SCARA5: variants seen among roughly 807,000 people sequenced by gnomAD.
SCARA5 encodes scavenger receptor class A, member 5 (putative).
SCARA5 carries 45 observed loss-of-function variants against 46.3 expected under a neutral mutation model. The observed-to-expected ratio is 0.97, with a 90% confidence interval of 0.76 to 1.24. The LOEUF is 1.24. SCARA5 is among the 50% of genes most tolerant of loss of function. SCARA5 has a pLI of 0.00. For synonymous variants in SCARA5, 333 were observed against 306.5 expected (o/e 1.09, Z -0.90); for missense variants, 680 against 689.0 (o/e 0.99, Z 0.15).
At chr8:27,953,435 C>T (rs79908867) in intron 3 of SCARA5, among the ~76,000 whole-genome samples, 1,995 of 152,182 alleles carry the variant, frequency 0.013, 52 homozygotes, top group African/African-American at 0.045. Flanking sequence ...GTAGAGGGTC[C>T]GACAGTGGAG....
At chr8:27,909,304 A>G (rs565534096) in intron 5 of SCARA5, among the ~76,000 whole-genome samples, 64 of 152,246 alleles carry the variant, frequency 4.2e-4, no homozygotes, top group African/African-American at 1.4e-3. Context: ...GCTAGTGATC[A>G]GGAAACACTG....
intron 7 of SCARA5, among the ~76,000 whole-genome samples, chr8:27,881,153 A>C (rs571157085): frequency 0.012 from 1,849 of 152,334 alleles, 44 homozygotes; most frequent in African/African-American, 0.043. Context: ...CAAAGAACTT[A>C]AAACAGAACT....
chr8:27,926,924 A>T (rs1465068310), intron 3 of SCARA5, among the ~76,000 whole-genome samples: 2 of 152,194 alleles, frequency 1.3e-5, no homozygotes, highest in African/African-American at 4.8e-5. Flanking sequence ...GAGCTCCAAG[A>T]GGCACCACAG....
chr8:27,917,110 G>A (rs1807475083), intron 4 of SCARA5, among the ~76,000 whole-genome samples: 1 of 152,204 alleles, frequency 6.6e-6, no homozygotes, highest in Non-Finnish European at 1.5e-5. Context: ...CTAGAACTGT[G>A]AGCAATAAAC....
chr8:27,889,723 C>A (rs889083602), intron 7 of SCARA5, among the ~76,000 whole-genome samples: 9 of 152,224 alleles, frequency 5.9e-5, no homozygotes, highest in African/African-American at 2.2e-4. Flanking sequence ...AGCTTGGTTT[C>A]TCCTGAGTCT....
At chr8:27,944,819 G>A (rs1209853490) in intron 3 of SCARA5, among the ~76,000 whole-genome samples, 5 of 152,128 alleles carry the variant, frequency 3.3e-5, no homozygotes, top group East Asian at 1.9e-4. Context: ...GCAGTGAGCC[G>A]AGATCACGCC....
intron 7 of SCARA5, among the ~76,000 whole-genome samples, chr8:27,887,057 T>TA (rs2129692871): frequency 6.6e-6 from 1 of 152,234 alleles, no homozygotes; most frequent in Admixed American, 6.5e-5. Context: ...CAGAGACTCC[T>TA]AGGCTCCAAA....
chr8:27,880,138 C>A (rs1227582475), intron 7 of SCARA5, among the ~76,000 whole-genome samples: 1 of 109,954 alleles, frequency 9.1e-6, no homozygotes, highest in East Asian at 2.5e-4. Context: ...AGTTGGCTAG[C>A]CGTATGCAGA....
At chr8:27,991,496 C>G (rs1585532842) in intron 1 of SCARA5, among the ~76,000 whole-genome samples, 1 of 152,222 alleles carries the variant, frequency 6.6e-6, no homozygotes, top group Non-Finnish European at 1.5e-5. Context: ...CTCTTCAATC[C>G]TTCTCTGGAG....
At position 27,973,483 on chromosome 8, in the gene SCARA5, ATAAAT is replaced by A. The variant is rs1485021530; in HGVS notation, c.113-6946_113-6942del. Among the ~76,000 whole-genome samples the A allele has an allele frequency of 2.0e-5, 3 of 152,128 alleles. No individual in the cohort carries two copies. In the East Asian group the frequency reaches 5.8e-4, roughly 29 times the overall value. On this transcript the variant is annotated intron_variant, in intron 2 of 8. Coordinates refer to ENST00000354914, the MANE Select transcript of SCARA5 (RefSeq NM_173833.6). Reference sequence around the variant, plus strand: ...CAGAGTGAGACTCTGTCTCAAATAAATAAATTAATTAATTAATTAAAAGCTGGGCT... The same window carrying A: ...CAGAGTGAGACTCTGTCTCAAATAAATAATTAATTAATTAAAAGCTGGGCT...
At chr8:27,939,595 C>A (rs539803542) in intron 3 of SCARA5, among the ~76,000 whole-genome samples, 3 of 152,142 alleles carry the variant, frequency 2.0e-5, no homozygotes, top group Non-Finnish European at 2.9e-5. Flanking sequence ...GGTAAGGAAA[C>A]AAGAAGCCTC....
chr8:27,878,505 C>A (rs1585458759), intron 8 of SCARA5, among the ~76,000 whole-genome samples: 1 of 152,174 alleles, frequency 6.6e-6, no homozygotes, highest in East Asian at 1.9e-4. Context: ...GTGCCCCTTC[C>A]TCAGAGTCTC....
At chr8:27,911,527 A>T (rs905467136) in intron 4 of SCARA5, among the ~76,000 whole-genome samples, 32 of 152,218 alleles carry the variant, frequency 2.1e-4, no homozygotes, top group African/African-American at 7.5e-4. Context: ...TCCCGTCTCT[A>T]CTAAAAATAC....
chr8:27,980,861 A>G (rs1206385487), intron 2 of SCARA5, among the ~76,000 whole-genome samples: 1 of 152,150 alleles, frequency 6.6e-6, no homozygotes, highest in African/African-American at 2.4e-5. Flanking sequence ...TGAGAATCCC[A>G]CTAGTAACCA....
chr8:27,948,209 G>A lies in SCARA5; in HGVS notation c.241+18205C>T, dbSNP rs558103677. On this transcript the variant is annotated intron_variant, in intron 3 of 8. Coordinates refer to ENST00000354914, the MANE Select transcript of SCARA5 (RefSeq NM_173833.6). ...GGAGCTGGGTGGGGTCGGGGGTGGA[G>A]GACAGATTTGGCCTCGGGCTGGGTT... 3.2e-4 allele frequency among the ~76,000 whole-genome samples: 49 copies of A among 152,302 alleles called. 1 individual carries two copies. Among genetic ancestry groups the A allele is most frequent in the Middle Eastern group, 3.4e-3 (1 of 294 alleles).
intron 7 of SCARA5, among the ~76,000 whole-genome samples, chr8:27,885,020 TTGGCCGGG>T (rs1806871357): frequency 7.8e-6 from 1 of 128,998 alleles, no homozygotes; most frequent in African/African-American, 3.7e-5. Context: ...AGGCACCATC[TTGGCCGGG>T]TGGACAAGGA....
chr8:27,932,369 C>T lies in SCARA5; in HGVS notation c.242-10124G>A, dbSNP rs932995149. Among the ~76,000 whole-genome samples, 11 of 152,370 alleles carry T rather than the reference C, an allele frequency of 7.2e-5. No homozygotes were observed. The East Asian group carries it at 1.7e-3, about 24-fold the overall frequency. ...ACTAACTACTGTCGATCTTCTGTGA[C>T]TCAGATAGCAACTCTGAATAAGCAA... On this transcript the variant is annotated intron_variant, in intron 3 of 8. Coordinates refer to ENST00000354914, the MANE Select transcript of SCARA5 (RefSeq NM_173833.6).
chr8:27,877,106 G>A (rs1382044519), intron 8 of SCARA5, among the ~76,000 whole-genome samples: 1 of 152,140 alleles, frequency 6.6e-6, no homozygotes, highest in African/African-American at 2.4e-5. Context: ...CCTGGCCCAT[G>A]CTAGGTGCCT....
chr8:27,885,034 A>G (rs1806872022), intron 7 of SCARA5, among the ~76,000 whole-genome samples: 2 of 132,120 alleles, frequency 1.5e-5, no homozygotes, highest in African/African-American at 6.9e-5. Flanking sequence ...CCGGGTGGAC[A>G]AGGAAGGAAA....
Sources: allele counts gnomAD v4.1 joint callset (sites outside exome capture counted in the v4.1 genomes callset), GRCh38; gene constraint gnomAD v4.1.1; transcripts MANE v1.5; gene names NCBI Gene and HGNC (gene_info 2026-07-23, HGNC 2026-07-21).